USP35: variants seen among roughly 807,000 people sequenced by gnomAD.
USP35 encodes ubiquitin specific peptidase 35, also known as ubiquitin carboxyl-terminal hydrolase 35.
Under a neutral mutation model 83.8 loss-of-function variants are expected in USP35, and 69 were observed. The ratio of observed to expected loss-of-function variants is 0.82; its 90% CI spans 0.68 to 1.01. USP35 has a LOEUF of 1.01. USP35 is among the 50% of genes least tolerant of loss of function. The probability of loss-of-function intolerance (pLI) is 0.00; values close to 1 mark genes in which losing one functional copy is unlikely to be tolerated. For missense variants in USP35, 1,503 were observed against 1,362.5 expected, an observed-to-expected ratio of 1.10 and a Z score of -1.62; for synonymous variants, 714 against 589.5, an observed-to-expected ratio of 1.21 and a Z score of -3.06.
chr11:78,207,383 C>T lies in USP35; in HGVS notation c.1392-147C>T. 6.9e-6 allele frequency: 5 copies of T among 720,706 alleles called. No individual in the cohort carries two copies. In the South Asian group the frequency reaches 7.0e-5, roughly 10 times the overall value. The allele number at this position is 720,706 out of a possible 1,614,324, so 44.6% of individuals were successfully genotyped here. A position where few individuals can be genotyped will look rare whatever the true frequency, so the allele number is the denominator to read the frequency against. ...CTGAGTTGTTCACCTGCTCCTCCTC[C>T]CCAGCCCCTGGCTTCTGGCTCCGTC... is the stretch of plus-strand genomic sequence containing the variant. On this transcript the variant is annotated intron_variant, in intron 7 of 10. Coordinates refer to ENST00000529308, the MANE Select transcript of USP35 (RefSeq NM_020798.4).
downstream of USP35, chr11:78,215,432 G>A (rs3758662): frequency 0.011 from 1,702 of 152,374 alleles, 16 homozygotes; most frequent in African/African-American, 0.035. Flanking sequence ...CCCACCCACC[G>A]GATAAATATG....
chr11:78,223,262 C>T, the USP35 span: 2 of 587,292 alleles, frequency 3.4e-6, no homozygotes, highest in Non-Finnish European at 5.6e-6. Context: ...TTACCATCTG[C>T]ATTTCACAGA....
intron 6 of USP35, 130 bp from the exon 7 acceptor site, chr11:78,205,712 A>G: frequency 2.1e-6 from 2 of 970,884 alleles, no homozygotes; most frequent in Non-Finnish European, 3.0e-6. Flanking sequence ...ACCCCAGAAC[A>G]TCTGTGGGGG....
chr11:78,223,143 T>C, the USP35 span, among the ~76,000 whole-genome samples: 2 of 152,178 alleles, frequency 1.3e-5, no homozygotes, highest in African/African-American at 4.8e-5. Flanking sequence ...GACGAGGACC[T>C]TGCCTGGTCT....
the USP35 span, among the ~76,000 whole-genome samples, chr11:78,224,418 G>C: frequency 6.6e-6 from 1 of 152,108 alleles, no homozygotes; most frequent in Non-Finnish European, 1.5e-5. Flanking sequence ...GGCCAGTTGT[G>C]TTTCCCCAGT....
At chr11:78,194,394 C>T (rs1863083610) in intron 1 of USP35, among the ~76,000 whole-genome samples, 1 of 152,182 alleles carries the variant, frequency 6.6e-6, no homozygotes, top group South Asian at 2.1e-4. Flanking sequence ...ATAAAACTTT[C>T]CAGCTTATTA....
chr11:78,214,284 C>CATAT lies in USP35; in HGVS notation c.*472_*475dup, dbSNP rs1296298164. Reference sequence around the variant, plus strand: ...CTGGCTGTCCTGTTTGTTTGTTTCTCATATGGGGGTGGGGGGTACCTGCAC... The same window carrying CATAT: ...CTGGCTGTCCTGTTTGTTTGTTTCTCATATATATGGGGGTGGGGGGTACCTGCAC... On this transcript the variant is annotated 3_prime_UTR_variant, in exon 11 of 11. Coordinates refer to ENST00000529308, the MANE Select transcript of USP35 (RefSeq NM_020798.4). 1 of 134,534 alleles carries CATAT rather than the reference C, an allele frequency of 7.4e-6. No homozygotes were observed. Among genetic ancestry groups the CATAT allele is most frequent in the African/African-American group, 3.0e-5 (1 of 33,120 alleles). The allele number at this position is 134,534 out of a possible 1,614,324, so 8.3% of individuals were successfully genotyped here. A position where few individuals can be genotyped will look rare whatever the true frequency, so the allele number is the denominator to read the frequency against.
rs1863992545 is a variant in USP35, at chr11:78,214,394, G to GGGGGGGGGT, written c.*583_*584insGGGGGGTGG. 1.4e-5 allele frequency: 2 copies of GGGGGGGGGT among 145,714 alleles called. No individual in the cohort carries two copies. The highest frequency in any genetic ancestry group is 2.2e-4 in the South Asian group (1 of 4,472). 9.0% of individuals were successfully genotyped at this position (145,714 alleles called of 1,614,324 possible). A position where few individuals can be genotyped will look rare whatever the true frequency, so the allele number is the denominator to read the frequency against. On this transcript the variant is annotated 3_prime_UTR_variant, in exon 11 of 11. Coordinates refer to ENST00000529308, the MANE Select transcript of USP35 (RefSeq NM_020798.4). The stretch of plus-strand genomic sequence containing the variant: ...GCATGGTTTTGGGGGGGGGGGCGGG[G>GGGGGGGGGT]GGCTAGCTTCTCACAGCAGGAGGCC...
At chr11:78,213,560 C>T in intron 10 of USP35, 86 bp from the exon 11 acceptor site, 4 of 1,382,906 alleles carry the variant, frequency 2.9e-6, no homozygotes, top group South Asian at 1.9e-5. Context: ...CTAGAGGAAA[C>T]ATTGAAAGGT....
intron 1 of USP35, among the ~76,000 whole-genome samples, chr11:78,193,189 AT>A (rs1255054386): frequency 6.6e-6 from 1 of 151,686 alleles, no homozygotes; most frequent in East Asian, 1.9e-4. Flanking sequence ...AGTTAAAAAA[AT>A]TTTTTTTCTT....
At chr11:78,203,115 A>G (rs1372958849) in intron 6 of USP35, among the ~76,000 whole-genome samples, 1 of 152,132 alleles carries the variant, frequency 6.6e-6, no homozygotes, top group Non-Finnish European at 1.5e-5. Context: ...GAGTCTGCAC[A>G]TACCTGTACC....
the USP35 span, chr11:78,221,683 G>C: frequency 6.2e-7 from 1 of 1,607,550 alleles, no homozygotes; most frequent in African/African-American, 1.3e-5. Flanking sequence ...TCACCATAGG[G>C]ACATAGTTCT....
In USP35 at chr11:78,210,133, T is replaced by C; in HGVS notation, c.2278T>C (p.Ser760Pro). The change falls in exon 10 of 11, where the codon TCC becomes CCC. Residue 760 changes from serine (S) to proline (P), a missense_variant. Transcript: ENST00000529308. Reference protein sequence around the residue: ...ERTCGSEGSRSVLDLVNYFLS... With the variant: ...ERTCGSEGSRPVLDLVNYFLS... ...GACATGTGGCTCTGAGGGCTCCCGC[T>C]CCGTCCTGGACCTGGTTAACTACTT... The C allele has an allele frequency of 1.2e-6, 2 of 1,613,538 alleles. No homozygotes were observed. Among genetic ancestry groups the C allele is most frequent in the Non-Finnish European group, 1.7e-6 (2 of 1,179,760 alleles).
downstream of USP35, chr11:78,219,258 C>T (rs933045615): frequency 1.1e-5 from 18 of 1,610,974 alleles, no homozygotes; most frequent in East Asian, 2.2e-5. Flanking sequence ...CTGGGCTCTG[C>T]GGTGGCCCTC....
Position 78,210,596 on chromosome 11 carries a change from C to T in USP35, c.2741C>T (p.Pro914Leu), listed in dbSNP as rs1488957857. ...ESVSNVTSFF[P>L]KDTAYVLFYR... The stretch of plus-strand genomic sequence containing the variant: ...GTCAGCAACGTCACCTCCTTCTTCC[C>T]TAAGGACACAGCCTATGTGCTGTTT... Residue 914 changes from proline (P) to leucine (L), a missense_variant, in exon 10 of 11, where the codon CCT (proline) becomes CTT (leucine). Pro to Leu is a moderately conservative substitution (Grantham distance 98). Coordinates refer to ENST00000529308, the MANE Select transcript of USP35 (RefSeq NM_020798.4). The T allele has an allele frequency of 1.2e-6, 2 of 1,614,158 alleles. No homozygotes were observed. Among genetic ancestry groups the T allele is most frequent in the South Asian group, 1.1e-5 (1 of 91,070 alleles).
intron 10 of USP35, among the ~76,000 whole-genome samples, chr11:78,212,729 A>C (rs559280447): frequency 7.9e-5 from 12 of 152,330 alleles, no homozygotes; most frequent in Non-Finnish European, 1.6e-4. Context: ...ATTTTTGCAC[A>C]TTGGTTTTTG....
At chr11:78,195,393 A>G (rs1863114270) in intron 1 of USP35, among the ~76,000 whole-genome samples, 2 of 152,184 alleles carry the variant, frequency 1.3e-5, no homozygotes, top group South Asian at 4.1e-4. Context: ...CAGCACACAC[A>G]CGAAGTGGAG....
chr11:78,229,634 T>C, the USP35 span, among the ~76,000 whole-genome samples: 1 of 152,200 alleles, frequency 6.6e-6, no homozygotes, highest in Non-Finnish European at 1.5e-5. Context: ...TTTACTTTCC[T>C]AACTTCCCAG....
Position 78,196,834 on chromosome 11 carries a change from G to A in USP35, c.589G>A (p.Gly197Arg), listed in dbSNP as rs368901401. 1 of 1,530,640 alleles carries A rather than the reference G, an allele frequency of 6.5e-7. No individual in the cohort carries two copies. The highest frequency in any genetic ancestry group is 8.7e-7 in the Non-Finnish European group (1 of 1,143,554). 94.8% of individuals were successfully genotyped at this position (1,530,640 alleles called of 1,614,324 possible). A position where few individuals can be genotyped will look rare whatever the true frequency, so the allele number is the denominator to read the frequency against. Residue 197 changes from glycine to arginine, a missense_variant, in exon 2 of 11, where the codon GGG becomes AGG. Transcript: ENST00000529308. This position sits in a 1 kb window ranked among gnomAD's most constrained non-coding sequence, Gnocchi z 4.8. ...CCTAGAGCAGGCCCAGCAGGTGAGC[G>A]GGCTCCTGGCGCAGCTGTGGCGCGC... ...EFLEQAQQVS[G>R]LLAQLWRAQP...
Sources: gnomAD v4.1 joint callset for allele counts (sites outside exome capture counted in the v4.1 genomes callset) on GRCh38, gnomAD v4.1.1 for gene constraint, Gnocchi (gnomAD v3.1) non-coding constraint, MANE v1.5 for transcripts, NCBI Gene and HGNC (gene_info 2026-07-23, HGNC 2026-07-21) for gene names.